Variants in ZNF410 observed in about 807,000 individuals in gnomAD.
ZNF410 encodes zinc finger protein 410, also known as another partner for ARF 1.
ZNF410 carries 18 observed loss-of-function variants against 54.8 expected under a neutral mutation model. That is an observed-to-expected ratio of 0.33 (90% CI 0.23 to 0.49). ZNF410 has a LOEUF of 0.49. Ranked by LOEUF, ZNF410 falls within the 20% of genes least tolerant of loss-of-function variation. ZNF410 has a pLI of 0.99. For missense variants in ZNF410, 405 were observed against 569.6 expected, an observed-to-expected ratio of 0.71 and a Z score of 2.94; for synonymous variants, 191 against 207.3, an observed-to-expected ratio of 0.92 and a Z score of 0.68.
chr14:73,910,462 G>A (rs1254214714), intron 8 of ZNF410, among the ~76,000 whole-genome samples: 2 of 152,172 alleles, frequency 1.3e-5, no homozygotes, highest in Admixed American at 6.5e-5. Context: ...GCATGGTAGT[G>A]GCCTGGCGTG....
chr14:73,929,663 C>A (rs866598288), intron 11 of ZNF410, among the ~76,000 whole-genome samples: 1 of 151,726 alleles, frequency 6.6e-6, no homozygotes, highest in African/African-American at 2.4e-5. Context: ...ACAGGAAAAC[C>A]CCATGTCTAC....
intron 8 of ZNF410, among the ~76,000 whole-genome samples, chr14:73,912,369 T>C (rs369291532): frequency 1.3e-5 from 2 of 152,062 alleles, no homozygotes; most frequent in Non-Finnish European, 2.9e-5. Flanking sequence ...GGTTTCACCA[T>C]GTGGCCAGGC....
chr14:73,929,033 T>G (rs1186511387), intron 11 of ZNF410, among the ~76,000 whole-genome samples: 1 of 152,162 alleles, frequency 6.6e-6, no homozygotes, highest in African/African-American at 2.4e-5. Flanking sequence ...TAGAAAAATA[T>G]TAACAACACA....
At chr14:73,909,296 C>A in intron 7 of ZNF410, 45 bp from the exon 8 acceptor site, 1 of 1,498,440 alleles carries the variant, frequency 6.7e-7, no homozygotes, top group South Asian at 1.2e-5. Context: ...AACAGGTAAT[C>A]AGTTCATCAG....
At chr14:73,904,757 A>G (rs35464797) in intron 6 of ZNF410, 145 bp from the exon 7 acceptor site, 120,182 of 869,008 alleles carry the variant, frequency 0.14, 9,137 homozygotes, top group Admixed American at 0.24. Flanking sequence ...CCACCCAGCT[A>G]TAGTTTTAAC....
At chr14:73,927,485 A>ATTAT (rs1363519050) in intron 11 of ZNF410, among the ~76,000 whole-genome samples, 8 of 152,294 alleles carry the variant, frequency 5.3e-5, no homozygotes, top group Middle Eastern at 3.4e-3. Context: ...CCTAGTACAC[A>ATTAT]TTATTATTCG....
chr14:73,911,082 A>C (rs1594757431), intron 8 of ZNF410, among the ~76,000 whole-genome samples: 1 of 152,192 alleles, frequency 6.6e-6, no homozygotes. Flanking sequence ...AGAATGAATA[A>C]AAGGATTGCT....
chr14:73,893,903 C>T lies in ZNF410; in HGVS notation c.140C>T (p.Ala47Val), dbSNP rs1478530524. Residue 47 changes from alanine (A) to valine (V), a missense_variant, in exon 3 of 12, where the codon GCC becomes GTC. By Grantham distance (64) the Ala-to-Val change is moderately conservative. This residue lies in a region of ZNF410 where 247 missense variants were observed against 342.8 expected (regional missense o/e 0.72). Transcript: ENST00000555044. The stretch of plus-strand genomic sequence containing the variant: ...TTGTCCCTCCTTCCCGTGACTGAAG[C>T]CTCAGAATGCAGTCGGCTAATGTTA... ...TCLSLLPVTE[A>V]SECSRLMLPD... The T allele has an allele frequency of 3.1e-6, 5 of 1,612,772 alleles. No individual in the cohort carries two copies. In the Admixed American group the frequency reaches 8.4e-5, roughly 27 times the overall value.
chr14:73,908,783 G>A (rs1287673546), intron 7 of ZNF410, among the ~76,000 whole-genome samples: 1 of 152,028 alleles, frequency 6.6e-6, no homozygotes, highest in Non-Finnish European at 1.5e-5. Flanking sequence ...GAATTCATTT[G>A]TCTGTCTCAC....
At chr14:73,890,584 C>T (rs956508081) in intron 1 of ZNF410, among the ~76,000 whole-genome samples, 2 of 152,134 alleles carry the variant, frequency 1.3e-5, no homozygotes, top group African/African-American at 4.8e-5. Flanking sequence ...AAAATATACC[C>T]ATCCTGGATA....
At chr14:73,918,968 G>C (rs1269658527) in intron 8 of ZNF410, among the ~76,000 whole-genome samples, 3 of 139,026 alleles carry the variant, frequency 2.2e-5, no homozygotes, top group Non-Finnish European at 3.0e-5. Flanking sequence ...AAAGTGCCTG[G>C]ATTACAGGAG....
intron 8 of ZNF410, chr14:73,913,468 G>A (rs2055617163): frequency 6.6e-6 from 1 of 152,106 alleles, no homozygotes; most frequent in Non-Finnish European, 1.5e-5. Flanking sequence ...GCATAACTGT[G>A]TTTTGCAAAT....
At chr14:73,927,832 A>AT (rs11461357) in intron 11 of ZNF410, 52,656 of 143,344 alleles carry the variant, frequency 0.37, 9,359 homozygotes, top group East Asian at 0.52. Context: ...TCAACCGGCA[A>AT]TTTTTTTTTT....
chr14:73,921,208 G>C, intron 9 of ZNF410, 103 bp downstream of exon 9: 1 of 1,500,972 alleles, frequency 6.7e-7, no homozygotes, highest in Admixed American at 2.0e-5. Flanking sequence ...TTCTGTTTTG[G>C]GTAGATAGAC....
At chr14:73,898,627 C>G (rs896319906) in intron 5 of ZNF410, 1 of 296,726 alleles carries the variant, frequency 3.4e-6, no homozygotes, top group Non-Finnish European at 5.9e-6. Flanking sequence ...GAAATCAAAA[C>G]AGTTTTTATC....
chr14:73,926,124 A>G (rs1305549637), intron 11 of ZNF410, among the ~76,000 whole-genome samples: 1 of 152,158 alleles, frequency 6.6e-6, no homozygotes, highest in Non-Finnish European at 1.5e-5. Flanking sequence ...GAGTATTTCA[A>G]AGCAAATTGT....
intron 8 of ZNF410, among the ~76,000 whole-genome samples, chr14:73,910,888 GAAGAT>G (rs2055567341): frequency 6.9e-6 from 1 of 145,356 alleles, no homozygotes; most frequent in African/African-American, 2.8e-5. Context: ...AAGTGGTAGT[GAAGAT>G]AAGGAGGGAA....
chr14:73,931,431 C>A, intron 11 of ZNF410, 72 bp from the exon 12 acceptor site: 1 of 1,403,952 alleles, frequency 7.1e-7, no homozygotes, highest in South Asian at 1.2e-5. Context: ...ACTCTTAATA[C>A]TTTTTACTAT....
chr14:73,914,125 C>T (rs577199927), intron 8 of ZNF410: 1 of 152,250 alleles, frequency 6.6e-6, no homozygotes, highest in African/African-American at 2.4e-5. Context: ...GCAGCCTTGA[C>T]CTGGGCTTGG....
Sources: allele counts gnomAD v4.1 joint callset (sites outside exome capture counted in the v4.1 genomes callset), GRCh38; gene constraint gnomAD v4.1.1; regional missense constraint gnomAD v4.1.1; transcripts MANE v1.5; gene names NCBI Gene and HGNC (gene_info 2026-07-23, HGNC 2026-07-21).